GRIN2A: variants seen among roughly 807,000 people sequenced by gnomAD.
The protein encoded by GRIN2A is glutamate receptor ionotropic, NMDA 2A.
GRIN2A carries 22 observed loss-of-function variants against 113.4 expected under a neutral mutation model. The observed-to-expected ratio is 0.19, with a 90% CI of 0.14 to 0.28. The LOEUF is 0.28. GRIN2A is among the 10% of genes least tolerant of loss of function. The pLI, the probability that GRIN2A is intolerant of heterozygous loss-of-function variation, is 1.00. For synonymous variants in GRIN2A, 827 were observed against 738.4 expected, an observed-to-expected ratio of 1.12 and a Z score of -1.94; for missense variants, 1,502 against 1,887.0, an observed-to-expected ratio of 0.80 and a Z score of 3.78.
chr16:10,053,586 T>TA (rs2047395116), intron 2 of GRIN2A, among the ~76,000 whole-genome samples: 1 of 152,176 alleles, frequency 6.6e-6, no homozygotes, highest in South Asian at 2.1e-4. Flanking sequence ...ATAGGAGTTT[T>TA]AGGAGGGCAA....
chr16:9,937,260 A>T (rs1464509339), intron 3 of GRIN2A, among the ~76,000 whole-genome samples: 1 of 152,180 alleles, frequency 6.6e-6, no homozygotes, highest in East Asian at 1.9e-4. Context: ...ATAGGGTAAA[A>T]AAAAACATAG....
intron 4 of GRIN2A, among the ~76,000 whole-genome samples, chr16:9,881,664 T>G: frequency 6.6e-6 from 1 of 152,182 alleles, no homozygotes; most frequent in East Asian, 1.9e-4. Context: ...CTCCAAATCC[T>G]TATTGAGCCT....
At chr16:9,889,221 T>C (rs1419718860) in intron 4 of GRIN2A, among the ~76,000 whole-genome samples, 1 of 152,188 alleles carries the variant, frequency 6.6e-6, no homozygotes, top group African/African-American at 2.4e-5. Flanking sequence ...TTGCCCATTT[T>C]ATCTATATCG....
intron 7 of GRIN2A, among the ~76,000 whole-genome samples, chr16:9,837,139 G>C (rs1443427373): frequency 6.6e-6 from 1 of 152,160 alleles, no homozygotes. Context: ...CCAGTGAATG[G>C]AAAAATGTAG....
chr16:10,059,382 G>A (rs2047511300), intron 2 of GRIN2A, among the ~76,000 whole-genome samples: 1 of 152,112 alleles, frequency 6.6e-6, no homozygotes, highest in African/African-American at 2.4e-5. Context: ...ATTCATCCAA[G>A]TAAGAGAGTG....
chr16:9,763,538 G>A lies in GRIN2A; in HGVS notation c.4006C>T (p.Leu1336Phe), dbSNP rs1900693709. The A allele has an allele frequency of 1.2e-6, 2 of 1,614,022 alleles. No homozygotes were observed. Among genetic ancestry groups the A allele is most frequent in the South Asian group, 2.2e-5 (2 of 91,062 alleles). ...GSLFSVPSSK[L>F]SGKKSSLFPQ... is the part of the protein sequence containing the mutation. The stretch of plus-strand genomic sequence containing the variant: ...AAAAGGGAGCTTTTTTTCCCCGAGA[G>A]TTTGCTTGAGGGGACACTAAACAGG... Residue 1336 changes from leucine to phenylalanine, a missense_variant, in exon 13 of 13, where the codon CTC becomes TTC. Around this residue, in one of 7 missense-constraint regions of GRIN2A, gnomAD observed 832 missense variants for 789.7 expected, o/e 1.05. Transcript: ENST00000330684.
At chr16:10,113,764 G>T (rs1315583623) in intron 2 of GRIN2A, among the ~76,000 whole-genome samples, 1 of 152,110 alleles carries the variant, frequency 6.6e-6, no homozygotes, top group African/African-American at 2.4e-5. Flanking sequence ...ATATGCAGAA[G>T]GAAATAAATG....
intron 2 of GRIN2A, among the ~76,000 whole-genome samples, chr16:10,091,814 AAGGAAAATCTATAG>A (rs2048189615): frequency 6.6e-6 from 1 of 152,186 alleles, no homozygotes; most frequent in African/African-American, 2.4e-5. Flanking sequence ...ATTTCCAGAA[AAGGAAAATCTATAG>A]AGACAGAAAG....
chr16:9,935,680 G>C (rs1410390196), intron 3 of GRIN2A, among the ~76,000 whole-genome samples: 2 of 151,906 alleles, frequency 1.3e-5, no homozygotes, highest in African/African-American at 4.8e-5. Flanking sequence ...ATGGTTTGTT[G>C]ACTGTATTTC....
chr16:9,987,055 G>C (rs1440776360), intron 2 of GRIN2A, among the ~76,000 whole-genome samples: 2 of 152,128 alleles, frequency 1.3e-5, no homozygotes, highest in Non-Finnish European at 2.9e-5. Context: ...CATCATTGAT[G>C]CAGGAGGTCC....
chr16:10,012,665 A>G (rs116912141), intron 2 of GRIN2A, among the ~76,000 whole-genome samples: 4,023 of 152,320 alleles, frequency 0.026, 96 homozygotes, highest in Middle Eastern at 0.065. Context: ...GATGGGGAGA[A>G]AGGACATTTG....
At chr16:9,916,488 A>G (rs542961303) in intron 3 of GRIN2A, among the ~76,000 whole-genome samples, 64 of 152,330 alleles carry the variant, frequency 4.2e-4, no homozygotes, top group South Asian at 1.9e-3. Context: ...GAAGGAAGGT[A>G]CTGAAATGAA....
intron 4 of GRIN2A, among the ~76,000 whole-genome samples, chr16:9,872,513 T>G (rs1186565414): frequency 6.6e-6 from 1 of 152,228 alleles, no homozygotes; most frequent in Non-Finnish European, 1.5e-5. Context: ...CTGTATTTTT[T>G]GAATCCTCAT....
intron 2 of GRIN2A, among the ~76,000 whole-genome samples, chr16:10,142,727 A>G (rs2049352456): frequency 6.6e-6 from 1 of 152,108 alleles, no homozygotes; most frequent in African/African-American, 2.4e-5. Context: ...TAAACCAACC[A>G]AAGACACCCT....
At chr16:10,125,798 C>T (rs373280295) in intron 2 of GRIN2A, among the ~76,000 whole-genome samples, 1 of 152,136 alleles carries the variant, frequency 6.6e-6, no homozygotes, top group East Asian at 1.9e-4. Flanking sequence ...AGGCGTCCTA[C>T]AGGGAGAGAG....
chr16:9,784,136 A>G (rs1328324916), intron 11 of GRIN2A, among the ~76,000 whole-genome samples: 5 of 152,192 alleles, frequency 3.3e-5, no homozygotes, highest in Non-Finnish European at 5.9e-5. Context: ...AGTTTTTTAA[A>G]AAGAATTATA....
chr16:10,014,261 C>A (rs1292544583), intron 2 of GRIN2A, among the ~76,000 whole-genome samples: 3 of 152,202 alleles, frequency 2.0e-5, no homozygotes, highest in Non-Finnish European at 4.4e-5. Flanking sequence ...CTCAACCTGG[C>A]ACTTGTAGAA....
At chr16:10,173,561 C>T (rs1225635490) in intron 2 of GRIN2A, among the ~76,000 whole-genome samples, 1 of 152,186 alleles carries the variant, frequency 6.6e-6, no homozygotes. Flanking sequence ...ATATGTTCAT[C>T]CGGAAGCTCC....
chr16:9,852,223 T>A (rs1410631914), intron 4 of GRIN2A, among the ~76,000 whole-genome samples: 1 of 152,188 alleles, frequency 6.6e-6, no homozygotes, highest in Non-Finnish European at 1.5e-5. Context: ...GGAACCAGAG[T>A]TATAACGTGG....
Sources: allele counts gnomAD v4.1 joint callset (sites outside exome capture counted in the v4.1 genomes callset), GRCh38; gene constraint gnomAD v4.1.1; regional missense constraint gnomAD v4.1.1; transcripts MANE v1.5; gene names NCBI Gene and HGNC (gene_info 2026-07-23, HGNC 2026-07-21).